The following ZBTB40 variants were observed in gnomAD, a reference collection of about 807,000 sequenced individuals.
ZBTB40 encodes the protein zinc finger and BTB domain containing 40, also known as zinc finger and BTB domain-containing protein 40.
In ZBTB40, 60 loss-of-function variants were observed where a neutral mutation model predicts 117.5. That is an observed-to-expected ratio of 0.51 (90% CI 0.41 to 0.63). ZBTB40 has a LOEUF of 0.63. Ranked by LOEUF, ZBTB40 falls within the 30% of genes least tolerant of loss-of-function variation. The pLI, the probability that ZBTB40 is intolerant of heterozygous loss-of-function variation, is 0.00. For missense variants in ZBTB40, 1,287 were observed against 1,498.5 expected (o/e 0.86, Z 2.33); for synonymous variants, 525 against 577.1 (o/e 0.91, Z 1.29).
At chr1:22,430,152 A>G (rs1360710368) in intron 1 of ZBTB40, among the ~76,000 whole-genome samples, 2 of 152,208 alleles carry the variant, frequency 1.3e-5, no homozygotes, top group African/African-American at 4.8e-5. Context: ...AAATACCTCA[A>G]TAGATTTATC....
intron 3 of ZBTB40, among the ~76,000 whole-genome samples, chr1:22,499,008 TC>T (rs755950534): frequency 2.0e-4 from 30 of 152,222 alleles, no homozygotes; most frequent in Non-Finnish European, 1.5e-4. Context: ...TTCCCACAGT[TC>T]CTGTGGGTCA....
chr1:22,525,283 A>G (rs1322785296), intron 17 of ZBTB40, among the ~76,000 whole-genome samples: 1 of 151,830 alleles, frequency 6.6e-6, no homozygotes, highest in African/African-American at 2.4e-5. Context: ...GTCCATTTCT[A>G]AAAGAAAAAG....
intron 1 of ZBTB40, among the ~76,000 whole-genome samples, chr1:22,458,320 C>T (rs1400810707): frequency 1.3e-5 from 2 of 152,170 alleles, no homozygotes; most frequent in African/African-American, 4.8e-5. Context: ...CAAGTGCTAC[C>T]CTCCAACTGT....
chr1:22,526,121 C>G (rs1315948169), intron 17 of ZBTB40, 81 bp from the exon 18 acceptor site: 3 of 1,504,562 alleles, frequency 2.0e-6, no homozygotes, highest in Non-Finnish European at 2.8e-6. Flanking sequence ...ATCATCATTA[C>G]AGCATGAGAT....
chr1:22,467,215 A>G (rs1247626034), intron 1 of ZBTB40, among the ~76,000 whole-genome samples: 1 of 152,110 alleles, frequency 6.6e-6, no homozygotes, highest in African/African-American at 2.4e-5. Flanking sequence ...TGGATTTCTC[A>G]TTCTTTTTTA....
chr1:22,510,608 C>T (rs924894422), intron 9 of ZBTB40, among the ~76,000 whole-genome samples: 7 of 152,188 alleles, frequency 4.6e-5, no homozygotes, highest in Non-Finnish European at 8.8e-5. Context: ...AAGAGGACGA[C>T]GGCTTTGAAA....
At chr1:22,440,219 G>A (rs905473814) in intron 1 of ZBTB40, among the ~76,000 whole-genome samples, 2 of 151,994 alleles carry the variant, frequency 1.3e-5, no homozygotes, top group Non-Finnish European at 2.9e-5. Context: ...AGGTTTTTTT[G>A]GTGGAATCTT....
Position 22,521,623 on chromosome 1 carries a change from T to C in ZBTB40, c.3176T>C (p.Ile1059Thr), listed in dbSNP as rs777630742. Reference sequence around the variant, plus strand: ...TGTGACAAAACCTTCCCCAACACCATTGAGCACAAGAAGCACATCAAAGCA... The same window carrying C: ...TGTGACAAAACCTTCCCCAACACCACTGAGCACAAGAAGCACATCAAAGCA... ...SSCDKTFPNT[I>T]EHKKHIKAEH... Residue 1059 changes from isoleucine (I) to threonine (T), a missense_variant, in exon 15 of 18, where the codon ATT (isoleucine) becomes ACT (threonine). Ile to Thr is a moderately conservative substitution (Grantham distance 89). Transcript: ENST00000375647. The C allele has an allele frequency of 1.2e-6, 2 of 1,614,168 alleles. No homozygotes were observed. Among genetic ancestry groups the C allele is most frequent in the East Asian group, 2.2e-5 (1 of 44,884 alleles).
chr1:22,490,786 T>C, intron 2 of ZBTB40, 141 bp downstream of exon 2: 1 of 924,546 alleles, frequency 1.1e-6, no homozygotes, highest in Non-Finnish European at 1.7e-6. Context: ...GCCATTCTTT[T>C]AAAAGTGTCT....
chr1:22,440,235 T>G (rs1159539995), intron 1 of ZBTB40, among the ~76,000 whole-genome samples: 1 of 152,220 alleles, frequency 6.6e-6, no homozygotes, highest in Admixed American at 6.5e-5. Flanking sequence ...ATCTTTACGG[T>G]TTTCTATATG....
At chr1:22,459,273 A>G (rs995592878) in intron 1 of ZBTB40, among the ~76,000 whole-genome samples, 1 of 152,064 alleles carries the variant, frequency 6.6e-6, no homozygotes, top group Admixed American at 6.6e-5. Flanking sequence ...TATTTGCCCC[A>G]CTCTCAATTT....
chr1:22,464,627 A>T (rs1325268378), intron 1 of ZBTB40, among the ~76,000 whole-genome samples: 2 of 152,210 alleles, frequency 1.3e-5, no homozygotes, highest in East Asian at 3.8e-4. Flanking sequence ...ACTATAGAAA[A>T]TTTTATAACA....
intron 17 of ZBTB40, among the ~76,000 whole-genome samples, chr1:22,524,774 G>T (rs1191902729): frequency 6.6e-6 from 1 of 152,206 alleles, no homozygotes; most frequent in Non-Finnish European, 1.5e-5. Flanking sequence ...CACTTTGTTG[G>T]GCAGGGACTG....
At position 22,429,863 on chromosome 1, in the gene ZBTB40, C is replaced by T. The variant is rs532880799; in HGVS notation, c.-70+849C>T. 8.9e-4 allele frequency among the ~76,000 whole-genome samples: 135 copies of T among 152,236 alleles called. 1 individual carries two copies. The highest frequency in any genetic ancestry group is 1.8e-3 in the Non-Finnish European group (122 of 68,022). On this transcript the variant is annotated intron_variant, in intron 1 of 8. Transcript: ENST00000650433. The stretch of plus-strand genomic sequence containing the variant: ...CAAAAAAATTAGCTGGGCATGGTGG[C>T]GCACACCTGTAATTCCAGCTACCCG...
Position 22,524,201 on chromosome 1 carries a change from G to C in ZBTB40, c.3299-17G>C, listed in dbSNP as rs778386279. 1.9e-6 allele frequency: 3 copies of C among 1,613,480 alleles called. No individual in the cohort carries two copies. Among genetic ancestry groups the C allele is most frequent in the East Asian group, 2.2e-5 (1 of 44,876 alleles). ...ATTTTACCCACAGCCCTCCCCTTCTGTCTCCCTCTCCTCCAGGGTCCCAGC... is the reference window on the plus strand; with the variant it reads ...ATTTTACCCACAGCCCTCCCCTTCTCTCTCCCTCTCCTCCAGGGTCCCAGC... On this transcript the variant is annotated splice_polypyrimidine_tract_variant and intron_variant, in intron 16 of 17. Transcript: ENST00000375647.
chr1:22,483,028 G>A (rs1638370021), intron 1 of ZBTB40, among the ~76,000 whole-genome samples: 1 of 149,788 alleles, frequency 6.7e-6, no homozygotes, highest in African/African-American at 2.5e-5. Flanking sequence ...GCAGTGAGCC[G>A]AGATCACGCC....
intron 13 of ZBTB40, 54 bp downstream of exon 13, chr1:22,517,518 G>A: frequency 6.3e-7 from 1 of 1,582,662 alleles, no homozygotes; most frequent in Non-Finnish European, 8.6e-7. Context: ...CACTGGGAAA[G>A]CGTGTCAATT....
chr1:22,506,193 C>T lies in ZBTB40; in HGVS notation c.1312C>T (p.Leu438Phe). 2 of 1,614,176 alleles carry T rather than the reference C, an allele frequency of 1.2e-6. No homozygotes were observed. Among genetic ancestry groups the T allele is most frequent in the African/African-American group, 1.3e-5 (1 of 75,052 alleles). Reference protein sequence around the residue: ...AVKTTFPNLGLLLEKLQKSAT... With the variant: ...AVKTTFPNLGFLLEKLQKSAT... The stretch of plus-strand genomic sequence containing the variant: ...GAAGACGACTTTCCCAAACCTGGGC[C>T]TTCTGCTAGAGAAGTTGCAGAAATC... Residue 438 changes from leucine (L) to phenylalanine (F), a missense_variant, in exon 6 of 18, where the codon CTT becomes TTT. Physicochemically the swap from Leu to Phe is conservative, Grantham distance 22. Coordinates refer to ENST00000375647, the MANE Select transcript of ZBTB40 (RefSeq NM_014870.4).
chr1:22,526,887 G>A lies in ZBTB40; in HGVS notation c.*491G>A. ...ACCAACAGACAATTCGGGGACCTTAGGCCCCTTCCTGAGGCACACTTGGCC... is the reference window on the plus strand; with the variant it reads ...ACCAACAGACAATTCGGGGACCTTAAGCCCCTTCCTGAGGCACACTTGGCC... On this transcript the variant is annotated 3_prime_UTR_variant, in exon 18 of 18. Coordinates refer to ENST00000375647, the MANE Select transcript of ZBTB40 (RefSeq NM_014870.4). The A allele has an allele frequency of 3.9e-6, 1 of 255,022 alleles. No individual in the cohort carries two copies. The highest frequency in any genetic ancestry group is 7.8e-6 in the Non-Finnish European group (1 of 128,754). The allele number at this position is 255,022 out of a possible 1,614,324, so 15.8% of individuals were successfully genotyped here.
Sources: allele counts gnomAD v4.1 joint callset (sites outside exome capture counted in the v4.1 genomes callset), GRCh38; gene constraint gnomAD v4.1.1; transcripts MANE v1.5; gene names NCBI Gene and HGNC (gene_info 2026-07-23, HGNC 2026-07-21).